ATP2C2: variants seen among roughly 807,000 people sequenced by gnomAD.
ATP2C2 encodes the protein calcium-transporting ATPase type 2C member 2.
A neutral mutation model predicts 110.8 loss-of-function variants in ATP2C2; 171 were observed. The ratio of observed to expected loss-of-function variants is 1.54; its 90% CI spans 1.36 to 1.75. The LOEUF is 1.75. ATP2C2 is among the 40% of genes most tolerant of loss of function. The pLI, the probability that ATP2C2 is intolerant of heterozygous loss-of-function variation, is 0.00. For synonymous variants in ATP2C2, 804 were observed against 508.4 expected, an observed-to-expected ratio of 1.58 and a Z score of -7.82; for missense variants, 1,963 against 1,235.0, an observed-to-expected ratio of 1.59 and a Z score of -8.84.
intron 3 of ATP2C2, among the ~76,000 whole-genome samples, chr16:84,406,036 T>G (rs1163435343): frequency 1.3e-5 from 2 of 152,212 alleles, no homozygotes; most frequent in Non-Finnish European, 2.9e-5. Context: ...GTTCCTTGTT[T>G]TTCTGAAATT....
intron 6 of ATP2C2, among the ~76,000 whole-genome samples, chr16:84,412,117 G>C (rs1343023062): frequency 2.0e-5 from 3 of 152,038 alleles, no homozygotes; most frequent in African/African-American, 7.3e-5. Flanking sequence ...GGGCTCAAGT[G>C]ATCCTCCTGC....
intron 15 of ATP2C2, among the ~76,000 whole-genome samples, chr16:84,446,083 A>G (rs138864944): frequency 6.6e-6 from 1 of 152,178 alleles, no homozygotes; most frequent in Admixed American, 6.5e-5. Flanking sequence ...GTTTGTTTCT[A>G]AGCAGATTTC....
Position 84,423,266 on chromosome 16 carries a change from G to A in ATP2C2, c.919+3G>A, listed in dbSNP as rs1278023860. 2.5e-6 allele frequency: 4 copies of A among 1,613,110 alleles called. No homozygotes were observed. Among genetic ancestry groups the A allele is most frequent in the African/African-American group, 1.3e-5 (1 of 74,912 alleles). On this transcript the variant is annotated splice_donor_region_variant and intron_variant, in intron 10 of 26. Coordinates refer to ENST00000262429, the MANE Select transcript of ATP2C2 (RefSeq NM_014861.4). ...ACTCTTCTCCTTTGGCATAATCGGT[G>A]AGTGAAGCAGTTTCCATACTGGGTT... is the stretch of plus-strand genomic sequence containing the variant.
chr16:84,392,829 A>G (rs1157985421), intron 1 of ATP2C2, among the ~76,000 whole-genome samples: 1 of 152,126 alleles, frequency 6.6e-6, no homozygotes, highest in African/African-American at 2.4e-5. Context: ...CAGTTCCCAC[A>G]GTCTAGTGAT....
At position 84,452,076 on chromosome 16, in the gene ATP2C2, A is replaced by G. The variant is rs1180955643; in HGVS notation, c.1816A>G (p.Thr606Ala). The stretch of plus-strand genomic sequence containing the variant: ...GATGATAACGGGGGATGCCCTGGAG[A>G]CGGCCTTGGCCATAGGTAACTGGGA... ...VKMITGDALE[T>A]ALAIGRNIGL... Residue 606 changes from threonine (T) to alanine (A), a missense_variant, in exon 18 of 27, where the codon ACG becomes GCG. By Grantham distance (58) the Thr-to-Ala change is moderately conservative. Coordinates refer to ENST00000262429, the MANE Select transcript of ATP2C2 (RefSeq NM_014861.4). The G allele has an allele frequency of 6.2e-7, 1 of 1,613,686 alleles. No homozygotes were observed.
intron 23 of ATP2C2, 54 bp downstream of exon 23, chr16:84,459,440 C>A: frequency 1.2e-6 from 2 of 1,604,516 alleles, no homozygotes; most frequent in South Asian, 1.1e-5. Flanking sequence ...TGCGGGGCTT[C>A]CTCCAGGGGC....
At chr16:84,418,937 G>A (rs541651095) in intron 7 of ATP2C2, among the ~76,000 whole-genome samples, 63 of 152,116 alleles carry the variant, frequency 4.1e-4, no homozygotes, top group African/African-American at 1.4e-3. Flanking sequence ...GTCCAGGCGC[G>A]GTGGCTCACT....
At position 84,394,696 on chromosome 16, in the gene ATP2C2, G is replaced by A. The variant is rs558150096; in HGVS notation, c.100-3803G>A. On this transcript the variant is annotated intron_variant, in intron 1 of 26. Coordinates refer to ENST00000262429, the MANE Select transcript of ATP2C2 (RefSeq NM_014861.4). ...TCTCTTCAAGCTTCCATCATGGCCAGCAATCCCCAGCATTCATTGACCGAT... is the reference window on the plus strand; with the variant it reads ...TCTCTTCAAGCTTCCATCATGGCCAACAATCCCCAGCATTCATTGACCGAT... Among the ~76,000 whole-genome samples the A allele has an allele frequency of 5.9e-5, 9 of 152,218 alleles. No homozygotes were observed. In the South Asian group the frequency reaches 8.3e-4, roughly 14 times the overall value.
intron 7 of ATP2C2, 40 bp from the exon 8 acceptor site, chr16:84,422,350 G>A (rs1907413713): frequency 6.3e-7 from 1 of 1,596,872 alleles, no homozygotes; most frequent in Non-Finnish European, 8.5e-7. Flanking sequence ...TTCTCGGGGT[G>A]ACAGAGAGAT....
chr16:84,452,152 G>T, intron 18 of ATP2C2, 61 bp downstream of exon 18: 3 of 1,591,110 alleles, frequency 1.9e-6, no homozygotes, highest in Non-Finnish European at 1.7e-6. Flanking sequence ...ACGATGGGGG[G>T]CTGCTACCAA....
At position 84,442,511 on chromosome 16, in the gene ATP2C2, C is replaced by G. The variant is rs775083248; in HGVS notation, c.1313C>G (p.Ala438Gly). The change falls in exon 15 of 27, where the codon GCG (alanine) becomes GGG (glycine). Residue 438 changes from alanine (A) to glycine (G), a missense_variant and splice_region_variant. Coordinates refer to ENST00000262429, the MANE Select transcript of ATP2C2 (RefSeq NM_014861.4). ...GATGTCCGGACAATCCCCTTTTAGGCGGGCTGTGTTGCCAACAATGCGGTC... is the reference window on the plus strand; with the variant it reads ...GATGTCCGGACAATCCCCTTTTAGGGGGGCTGTGTTGCCAACAATGCGGTC... ...SNVSVGKLVE[A>G]GCVANNAVIR... 1 of 1,613,924 alleles carries G rather than the reference C, an allele frequency of 6.2e-7. No individual in the cohort carries two copies. Among genetic ancestry groups the G allele is most frequent in the East Asian group, 2.2e-5 (1 of 44,884 alleles).
chr16:84,408,272 C>G, intron 3 of ATP2C2, 133 bp from the exon 4 acceptor site: 1 of 803,752 alleles, frequency 1.2e-6, no homozygotes, highest in Admixed American at 2.2e-5. Flanking sequence ...CCCCAGCCCT[C>G]GGTCACCATG....
chr16:84,460,658 G>T lies in ATP2C2; in HGVS notation c.2338G>T (p.Gly780Trp), dbSNP rs141229929. The T allele has an allele frequency of 1.5e-3, 2,369 of 1,614,198 alleles. 9 individuals carry two copies. The highest frequency in any genetic ancestry group is 1.3e-3 in the Non-Finnish European group (1,579 of 1,180,032). Residue 780 changes from glycine (G) to tryptophan (W), a missense_variant, in exon 24 of 27, where the codon GGG becomes TGG. Physicochemically the swap from Gly to Trp is radical, Grantham distance 184. Transcript: ENST00000262429. ...IMDGPPAQSL[G>W]VEPVDKDAFR... ...TCTGTGTCTTGTTCGGAGCAGCTTG[G>T]GGGTAGAGCCCGTTGACAAAGACGC... is the stretch of plus-strand genomic sequence containing the variant.
intron 1 of ATP2C2, among the ~76,000 whole-genome samples, chr16:84,389,001 A>G (rs1310002273): frequency 6.6e-6 from 1 of 151,856 alleles, no homozygotes; most frequent in Non-Finnish European, 1.5e-5. Flanking sequence ...CAATCTCTTG[A>G]CCTCGTGATC....
intron 1 of ATP2C2, among the ~76,000 whole-genome samples, chr16:84,393,628 C>T (rs1393839849): frequency 1.3e-5 from 2 of 151,856 alleles, no homozygotes; most frequent in African/African-American, 4.8e-5. Context: ...AATGCAAGGC[C>T]CAGAAAAGAG....
At chr16:84,463,584 C>G in intron 26 of ATP2C2, 30 bp from the exon 27 acceptor site, 1 of 1,585,932 alleles carries the variant, frequency 6.3e-7, no homozygotes, top group Non-Finnish European at 8.7e-7. Flanking sequence ...GCAGCCCGTC[C>G]TGAATCTTTT....
intron 2 of ATP2C2, chr16:84,404,924 A>G (rs559338686): frequency 2.4e-5 from 16 of 677,376 alleles, no homozygotes; most frequent in Non-Finnish European, 3.8e-5. Context: ...TGCTGTAATT[A>G]TAATGGTCAC....
chr16:84,448,704 T>A lies in ATP2C2; in HGVS notation c.1660+15T>A. 6.2e-7 allele frequency: 1 copy of A among 1,605,124 alleles called. No individual in the cohort carries two copies. Among genetic ancestry groups the A allele is most frequent in the African/African-American group, 1.3e-5 (1 of 74,734 alleles). On this transcript the variant is annotated intron_variant, in intron 17 of 26. Coordinates refer to ENST00000262429, the MANE Select transcript of ATP2C2 (RefSeq NM_014861.4). Reference sequence around the variant, plus strand: ...CGGTTTGCGGGGTCAGTGCCTGTGGTCCCGGCCCAGAGCTTTAAGCTTGCA... The same window carrying A: ...CGGTTTGCGGGGTCAGTGCCTGTGGACCCGGCCCAGAGCTTTAAGCTTGCA...
intron 22 of ATP2C2, 26 bp from the exon 23 acceptor site, chr16:84,459,244 G>T: frequency 3.1e-6 from 5 of 1,614,012 alleles, no homozygotes; most frequent in Non-Finnish European, 4.2e-6. Flanking sequence ...GCGGGCGGCC[G>T]CTGACTGGCT....
Sources: gnomAD v4.1 joint callset for allele counts (sites outside exome capture counted in the v4.1 genomes callset) on GRCh38, gnomAD v4.1.1 for gene constraint, MANE v1.5 for transcripts, NCBI Gene and HGNC (gene_info 2026-07-23, HGNC 2026-07-21) for gene names.